The following ZNF652 variants were observed in gnomAD, a reference collection of about 807,000 sequenced individuals.
The protein encoded by ZNF652 is zinc finger protein 652.
In ZNF652, 16 loss-of-function variants were observed where a neutral mutation model predicts 45.2. That is an observed-to-expected ratio of 0.35 (90% CI 0.24 to 0.54). The LOEUF (loss-of-function observed/expected upper bound fraction) is 0.54. Among genes scored for constraint, ZNF652 ranks in the 20% least tolerant of loss-of-function variants. ZNF652 has a pLI of 0.91. For missense variants in ZNF652, 614 were observed against 765.6 expected, an observed-to-expected ratio of 0.80 and a Z score of 2.34; for synonymous variants, 250 against 260.6, an observed-to-expected ratio of 0.96 and a Z score of 0.39.
intron 1 of ZNF652, chr17:49,322,480 A>G (rs776154632): frequency 6.6e-6 from 1 of 152,240 alleles, no homozygotes; most frequent in Admixed American, 6.5e-5. Context: ...GTCACACCTC[A>G]GAGATATTGC....
intron 1 of ZNF652, among the ~76,000 whole-genome samples, chr17:49,331,320 A>C (rs2070022727): frequency 6.6e-6 from 1 of 151,860 alleles, no homozygotes; most frequent in Non-Finnish European, 1.5e-5. Flanking sequence ...ACGGGCTTTC[A>C]CCGTGTTAGC....
chr17:49,299,054 G>T, intron 5 of ZNF652, 130 bp from the exon 6 acceptor site: 1 of 1,003,928 alleles, frequency 1.0e-6, no homozygotes, highest in Non-Finnish European at 1.4e-6. Flanking sequence ...GGCCTCAAGT[G>T]ATCCTCCCAT....
At chr17:49,360,854 CCAT>C (rs1314940479) in intron 1 of ZNF652, among the ~76,000 whole-genome samples, 1 of 152,170 alleles carries the variant, frequency 6.6e-6, no homozygotes. Flanking sequence ...CTTGCACACA[CCAT>C]ATCTAATCAA....
intron 1 of ZNF652, among the ~76,000 whole-genome samples, chr17:49,351,402 T>C (rs1006781628): frequency 2.6e-5 from 4 of 152,048 alleles, no homozygotes; most frequent in African/African-American, 9.7e-5. Flanking sequence ...AGAACATTCA[T>C]TATAGCATTA....
At chr17:49,312,660 G>C (rs2069732827) in intron 3 of ZNF652, 38 bp downstream of exon 3, 2 of 1,599,104 alleles carry the variant, frequency 1.3e-6, no homozygotes, top group Non-Finnish European at 1.7e-6. Flanking sequence ...AAGAACAAGG[G>C]AAAATTATAG....
At chr17:49,353,746 T>C (rs563833250) in intron 1 of ZNF652, among the ~76,000 whole-genome samples, 1 of 152,158 alleles carries the variant, frequency 6.6e-6, no homozygotes, top group Non-Finnish European at 1.5e-5. Context: ...AATGTGAATA[T>C]GTGTGGGCAC....
chr17:49,296,261 T>C lies in ZNF652; in HGVS notation c.*2152A>G, dbSNP rs1476212776. The C allele has an allele frequency of 6.6e-6, 1 of 152,614 alleles. No homozygotes were observed. The highest frequency in any genetic ancestry group is 1.5e-5 in the Non-Finnish European group (1 of 68,040). The allele number at this position is 152,614 out of a possible 1,614,324, so 9.5% of individuals were successfully genotyped here. A position where few individuals can be genotyped will look rare whatever the true frequency, so the allele number is the denominator to read the frequency against. On this transcript the variant is annotated 3_prime_UTR_variant, in exon 6 of 6. Coordinates refer to ENST00000430262, the MANE Select transcript of ZNF652 (RefSeq NM_001145365.3). ...AACTTACATCCAAAACCAGGAAGTA[T>C]GTCTTGATATACTTTTCTGCCTCAT...
intron 1 of ZNF652, among the ~76,000 whole-genome samples, chr17:49,332,791 TTTAC>T (rs914980123): frequency 6.6e-6 from 1 of 152,202 alleles, no homozygotes; most frequent in African/African-American, 2.4e-5. Flanking sequence ...GTAGTATATA[TTTAC>T]TTAGACAAAG....
At chr17:49,341,782 A>G (rs1030332681) in intron 1 of ZNF652, among the ~76,000 whole-genome samples, 3 of 152,230 alleles carry the variant, frequency 2.0e-5, no homozygotes, top group African/African-American at 7.2e-5. Flanking sequence ...ACACAAACCC[A>G]AAGTACTAAA....
At chr17:49,314,548 C>T (rs745642758) in intron 2 of ZNF652, among the ~76,000 whole-genome samples, 1 of 152,130 alleles carries the variant, frequency 6.6e-6, no homozygotes, top group Non-Finnish European at 1.5e-5. Context: ...CAGATCAGTT[C>T]CAGAGCTCTC....
Position 49,317,461 on chromosome 17 carries a change from C to T in ZNF652, c.265G>A (p.Asp89Asn). 6.2e-7 allele frequency: 1 copy of T among 1,614,186 alleles called. No individual in the cohort carries two copies. Among genetic ancestry groups the T allele is most frequent in the Non-Finnish European group, 8.5e-7 (1 of 1,180,038 alleles). Residue 89 changes from aspartate to asparagine, a missense_variant, in exon 2 of 6, where the codon GAC becomes AAC. Physicochemically the swap from Asp to Asn is conservative, Grantham distance 23 (BLOSUM62 1). Around this residue, in one of 5 missense-constraint regions of ZNF652, gnomAD observed 133 missense variants for 132.2 expected, o/e 1.01. Coordinates refer to ENST00000430262, the MANE Select transcript of ZNF652 (RefSeq NM_001145365.3). The part of the protein sequence containing the change: ...PYFRETRAVS[D>N]VHAVKEDREN... ...CGGTCTTCCTTAACAGCATGCACGTCAGACACTGCTCTTGTCTCCCTGAAA... is the reference window on the plus strand; with the variant it reads ...CGGTCTTCCTTAACAGCATGCACGTTAGACACTGCTCTTGTCTCCCTGAAA...
At chr17:49,340,970 C>T (rs2070139130) in intron 1 of ZNF652, among the ~76,000 whole-genome samples, 1 of 152,088 alleles carries the variant, frequency 6.6e-6, no homozygotes, top group Admixed American at 6.6e-5. Flanking sequence ...AATCCCAGTA[C>T]TTTGAAAAGC....
Position 49,298,427 on chromosome 17 carries a change from C to T in ZNF652, c.1807G>A (p.Ala603Thr), listed in dbSNP as rs1295735896. ...LRHLAEKNSS[A>T]QHH is the part of the protein sequence containing the mutation. ...GGAGACGGATGTTAATGATGCTGTG[C>T]TGAACTGTTCTTCTCTGCCAGGTGC... is the stretch of plus-strand genomic sequence containing the variant. The change falls in exon 6 of 6, where the codon GCA becomes ACA. Residue 603 changes from alanine (A) to threonine (T), a missense_variant. Physicochemically the swap from Ala to Thr is moderately conservative, Grantham distance 58. This residue lies in a region of ZNF652 where 132 missense variants were observed against 137.2 expected (regional missense o/e 0.96). Coordinates refer to ENST00000430262, the MANE Select transcript of ZNF652 (RefSeq NM_001145365.3). The T allele has an allele frequency of 1.9e-6, 3 of 1,612,708 alleles. No individual in the cohort carries two copies. Among genetic ancestry groups the T allele is most frequent in the Non-Finnish European group, 2.5e-6 (3 of 1,180,032 alleles).
rs190061612 is a variant in ZNF652, at chr17:49,304,425, C to A, written c.1310-5501G>T. Among the ~76,000 whole-genome samples the A allele has an allele frequency of 2.3e-3, 350 of 152,228 alleles. 3 individuals carry two copies. The highest frequency in any genetic ancestry group is 0.011 in the South Asian group (51 of 4,812). On this transcript the variant is annotated intron_variant, in intron 5 of 5. Coordinates refer to ENST00000430262, the MANE Select transcript of ZNF652 (RefSeq NM_001145365.3). The stretch of plus-strand genomic sequence containing the variant: ...AATCTCATTATTCATTAGGCCGCAT[C>A]TCCTAAATGTGTTTAATGGTTGATA...
intron 1 of ZNF652, among the ~76,000 whole-genome samples, chr17:49,328,144 T>C (rs2069986091): frequency 6.6e-6 from 1 of 152,012 alleles, no homozygotes; most frequent in Non-Finnish European, 1.5e-5. Flanking sequence ...TAGTAAGCAC[T>C]ATTATAAGTA....
intron 2 of ZNF652, among the ~76,000 whole-genome samples, chr17:49,314,516 A>G (rs2069770455): frequency 6.6e-6 from 1 of 152,170 alleles, no homozygotes; most frequent in Non-Finnish European, 1.5e-5. Flanking sequence ...TTAATTAACT[A>G]AAGCCTATAC....
chr17:49,315,042 G>T (rs867380702), intron 2 of ZNF652, among the ~76,000 whole-genome samples: 31,062 of 134,112 alleles, frequency 0.23, 3,585 homozygotes, highest in South Asian at 0.35. Flanking sequence ...GTTTTAGTTT[G>T]TTTTTTTTTT....
intron 5 of ZNF652, among the ~76,000 whole-genome samples, chr17:49,304,864 ATGTATATATATG>A (rs1255288088): frequency 7.7e-6 from 1 of 129,678 alleles, no homozygotes; most frequent in East Asian, 2.2e-4. Flanking sequence ...ATATACATAT[ATGTATATATATG>A]TGTATATATA....
intron 2 of ZNF652, among the ~76,000 whole-genome samples, chr17:49,315,358 T>C (rs1234643560): frequency 6.6e-6 from 1 of 152,078 alleles, no homozygotes; most frequent in Non-Finnish European, 1.5e-5. Context: ...TAGTTTTTAC[T>C]TGTTACCAAG....
Sources: allele counts gnomAD v4.1 joint callset (sites outside exome capture counted in the v4.1 genomes callset), GRCh38; gene constraint gnomAD v4.1.1; regional missense constraint gnomAD v4.1.1; transcripts MANE v1.5; gene names NCBI Gene and HGNC (gene_info 2026-07-23, HGNC 2026-07-21).